Variants in RORA observed in about 807,000 individuals in gnomAD.
RORA encodes RAR related orphan receptor A.
Under a neutral mutation model 69.5 loss-of-function variants are expected in RORA, and 7 were observed. The observed-to-expected ratio is 0.10, with a 90% CI of 0.06 to 0.19. The LOEUF (loss-of-function observed/expected upper bound fraction) is 0.19. RORA is among the 10% of genes least tolerant of loss of function. The pLI, the probability that RORA is intolerant of heterozygous loss-of-function variation, is 1.00. For missense variants in RORA, 457 were observed against 663.0 expected, an observed-to-expected ratio of 0.69 and a Z score of 3.41; for synonymous variants, 261 against 240.8, an observed-to-expected ratio of 1.08 and a Z score of -0.78.
intron 1 of RORA, among the ~76,000 whole-genome samples, chr15:60,794,212 A>C (rs759955165): frequency 6.6e-6 from 1 of 152,248 alleles, no homozygotes; most frequent in South Asian, 2.1e-4. Context: ...TAAAGGTCTG[A>C]CTAAAACAGA....
At chr15:61,197,586 G>T (rs1287693691) in intron 1 of RORA, among the ~76,000 whole-genome samples, 1 of 152,198 alleles carries the variant, frequency 6.6e-6, no homozygotes. Context: ...GAATAACTCT[G>T]TAGGTAACCT....
intron 2 of RORA, among the ~76,000 whole-genome samples, chr15:60,595,667 C>G (rs1397587270): frequency 1.4e-5 from 2 of 141,288 alleles, no homozygotes; most frequent in African/African-American, 5.4e-5. Context: ...CTTTCTTTTT[C>G]TTTTTACCAA....
intron 1 of RORA, among the ~76,000 whole-genome samples, chr15:61,036,016 G>A (rs1896441833): frequency 6.6e-6 from 1 of 152,204 alleles, no homozygotes; most frequent in Non-Finnish European, 1.5e-5. Context: ...AAGAACAGAT[G>A]AGCTTTCAAG....
At chr15:61,072,737 C>A (rs1049714724) in intron 1 of RORA, among the ~76,000 whole-genome samples, 3 of 152,058 alleles carry the variant, frequency 2.0e-5, no homozygotes, top group Non-Finnish European at 4.4e-5. Flanking sequence ...TTTTTGTGAA[C>A]TAATGGGGGT....
intron 1 of RORA, among the ~76,000 whole-genome samples, chr15:60,775,880 T>C (rs2140333379): frequency 6.6e-6 from 1 of 152,322 alleles, no homozygotes; most frequent in Non-Finnish European, 1.5e-5. Flanking sequence ...TGGGTCATTA[T>C]GGAATACAAT....
At chr15:60,612,308 G>T (rs549302721) in intron 2 of RORA, among the ~76,000 whole-genome samples, 6 of 152,120 alleles carry the variant, frequency 3.9e-5, no homozygotes, top group African/African-American at 1.4e-4. Flanking sequence ...ATCCATTAAA[G>T]CTGGTATACC....
chr15:61,173,901 A>G (rs1429507275), intron 1 of RORA, among the ~76,000 whole-genome samples: 1 of 152,180 alleles, frequency 6.6e-6, no homozygotes, highest in African/African-American at 2.4e-5. Flanking sequence ...GGTCCTTCCT[A>G]TCTTTTCAGA....
At chr15:61,169,174 G>T (rs929508287) in intron 1 of RORA, among the ~76,000 whole-genome samples, 1 of 151,842 alleles carries the variant, frequency 6.6e-6, no homozygotes, top group Non-Finnish European at 1.5e-5. Flanking sequence ...CCCTGCAGAC[G>T]CCAGGCATCT....
At chr15:61,111,987 T>G (rs1753420190) in intron 1 of RORA, among the ~76,000 whole-genome samples, 1 of 152,160 alleles carries the variant, frequency 6.6e-6, no homozygotes, top group Admixed American at 6.5e-5. Flanking sequence ...CTGCCAGGTG[T>G]GGGAGGTTGG....
chr15:60,795,408 T>C (rs941562619), intron 1 of RORA, among the ~76,000 whole-genome samples: 2 of 152,230 alleles, frequency 1.3e-5, no homozygotes, highest in Non-Finnish European at 2.9e-5. Context: ...TCTTCTTCTC[T>C]AAACTGTGTT....
At chr15:61,070,277 GC>G (rs1235571333) in intron 1 of RORA, among the ~76,000 whole-genome samples, 1 of 152,112 alleles carries the variant, frequency 6.6e-6, no homozygotes, top group African/African-American at 2.4e-5. Flanking sequence ...ACACCCGTAT[GC>G]CCCCATGGGA....
chr15:60,938,741 A>AC (rs1892602760), intron 1 of RORA, among the ~76,000 whole-genome samples: 1 of 151,784 alleles, frequency 6.6e-6, no homozygotes, highest in Non-Finnish European at 1.5e-5. Flanking sequence ...TCTAAAAAAA[A>AC]TTTTTTTTAA....
rs564146728 is a variant in RORA, at chr15:61,118,468, G to T, written c.166+110585C>A. On this transcript the variant is annotated intron_variant, in intron 1 of 10. Coordinates refer to ENST00000335670, the MANE Select transcript of RORA (RefSeq NM_134261.3). The stretch of plus-strand genomic sequence containing the variant: ...ACAACCAAACATGATTTGGAAGAGG[G>T]TTTTAAAAAATTCAGTTTCAGCAGA... Among the ~76,000 whole-genome samples the T allele has an allele frequency of 3.3e-5, 5 of 152,264 alleles. No homozygotes were observed. In the East Asian group the frequency reaches 7.7e-4, roughly 23 times the overall value.
chr15:61,184,355 C>A lies in RORA; in HGVS notation c.166+44698G>T, dbSNP rs115560435. Among the ~76,000 whole-genome samples the A allele has an allele frequency of 4.3e-3, 655 of 152,246 alleles. 2 individuals are homozygous for A. The highest frequency in any genetic ancestry group is 0.015 in the African/African-American group (636 of 41,516). On this transcript the variant is annotated intron_variant, in intron 1 of 10. Transcript: ENST00000335670. ...TGGTCAGTTATCTTCCCAAACTTCA[C>A]GCATTACATCATCTCCTCCAGGAAG...
intron 1 of RORA, among the ~76,000 whole-genome samples, chr15:61,099,817 G>A (rs188011955): frequency 2.0e-4 from 30 of 152,240 alleles, no homozygotes; most frequent in African/African-American, 6.7e-4. Flanking sequence ...CATCAAGTCA[G>A]GAAACAAAGT....
chr15:60,823,024 C>T (rs2072912081), intron 1 of RORA, among the ~76,000 whole-genome samples: 1 of 148,882 alleles, frequency 6.7e-6, no homozygotes, highest in Non-Finnish European at 1.5e-5. Context: ...CCTCCCCTTT[C>T]CTTCCTTCCT....
intron 1 of RORA, chr15:60,765,240 C>A (rs2071968825): frequency 6.6e-6 from 1 of 152,246 alleles, no homozygotes; most frequent in South Asian, 2.1e-4. Flanking sequence ...TTACTGTTTA[C>A]ATCTATGAGT....
chr15:60,927,189 A>G (rs1892243877), intron 1 of RORA, among the ~76,000 whole-genome samples: 1 of 152,154 alleles, frequency 6.6e-6, no homozygotes, highest in Non-Finnish European at 1.5e-5. Context: ...AGTGCTCAAC[A>G]CATGTGGACC....
In RORA at chr15:60,614,787, T is replaced by C. The variant is rs538412922; in HGVS notation, c.196+63870A>G. 1.2e-5 allele frequency: 10 copies of C among 831,338 alleles called. No individual in the cohort carries two copies. In the African/African-American group the frequency reaches 1.5e-4, roughly 13 times the overall value. 51.5% of individuals were successfully genotyped at this position (831,338 alleles called of 1,614,324 possible). A position where few individuals can be genotyped will look rare whatever the true frequency, so the allele number is the denominator to read the frequency against. On this transcript the variant is annotated intron_variant, in intron 2 of 10. Coordinates refer to ENST00000335670, the MANE Select transcript of RORA (RefSeq NM_134261.3). The stretch of plus-strand genomic sequence containing the variant: ...GAAATAGGATACTTAATATTTATAG[T>C]AATCATAAGGTTTAAATGAGATTAT...
Sources: gnomAD v4.1 joint callset for allele counts (sites outside exome capture counted in the v4.1 genomes callset) on GRCh38, gnomAD v4.1.1 for gene constraint, MANE v1.5 for transcripts, NCBI Gene and HGNC (gene_info 2026-07-23, HGNC 2026-07-21) for gene names.